The following SHC3 variants were observed in gnomAD, a reference collection of about 807,000 sequenced individuals.
SHC3 encodes SHC adaptor protein 3.
A neutral mutation model predicts 60.4 loss-of-function variants in SHC3; 15 were observed. The observed-to-expected ratio is 0.25, with a 90% CI of 0.17 to 0.38. The LOEUF (loss-of-function observed/expected upper bound fraction) is 0.38. SHC3 is among the 10% of genes least tolerant of loss of function. The pLI, the probability that SHC3 is intolerant of heterozygous loss-of-function variation, is 1.00. For missense variants in SHC3, 677 were observed against 786.1 expected (o/e 0.86, Z 1.66); for synonymous variants, 294 against 325.9 (o/e 0.90, Z 1.05).
At chr9:89,119,456 A>G (rs1425979301) in intron 1 of SHC3, among the ~76,000 whole-genome samples, 2 of 152,168 alleles carry the variant, frequency 1.3e-5, no homozygotes, top group Non-Finnish European at 2.9e-5. Flanking sequence ...AATACTAGAT[A>G]TATAAAACAT....
chr9:89,128,222 T>A (rs543058750), intron 1 of SHC3, among the ~76,000 whole-genome samples: 2 of 152,272 alleles, frequency 1.3e-5, no homozygotes, highest in South Asian at 4.1e-4. Flanking sequence ...ATTAGTAAAA[T>A]TAAATTGTCT....
intron 11 of SHC3, among the ~76,000 whole-genome samples, chr9:89,036,063 G>T (rs1824573870): frequency 6.6e-6 from 1 of 151,898 alleles, no homozygotes; most frequent in African/African-American, 2.4e-5. Flanking sequence ...GCACAAAGGG[G>T]GAAACCTGAT....
chr9:89,166,704 G>A (rs1826794492), intron 1 of SHC3, among the ~76,000 whole-genome samples: 1 of 152,182 alleles, frequency 6.6e-6, no homozygotes, highest in African/African-American at 2.4e-5. Context: ...ATGTGAATAA[G>A]AAGAGAGGAA....
At chr9:89,017,742 T>C (rs996189511) in intron 11 of SHC3, among the ~76,000 whole-genome samples, 1 of 152,114 alleles carries the variant, frequency 6.6e-6, no homozygotes, top group Non-Finnish European at 1.5e-5. Flanking sequence ...TTTTGCAATC[T>C]ACCCATCTGA....
chr9:89,035,111 C>T (rs537624364), intron 11 of SHC3, among the ~76,000 whole-genome samples: 1 of 152,320 alleles, frequency 6.6e-6, no homozygotes, highest in South Asian at 2.1e-4. Flanking sequence ...AGTGCGGGTT[C>T]CCAGAGCTCA....
intron 2 of SHC3, among the ~76,000 whole-genome samples, chr9:89,093,337 G>T (rs1479185636): frequency 1.3e-5 from 2 of 152,164 alleles, no homozygotes; most frequent in Non-Finnish European, 2.9e-5. Flanking sequence ...TGCCAGAAAG[G>T]TCCTCAGGGA....
chr9:89,146,296 G>A lies in SHC3; in HGVS notation c.474+31691C>T, dbSNP rs368500191. Among the ~76,000 whole-genome samples, 18 of 152,072 alleles carry A rather than the reference G, an allele frequency of 1.2e-4. 1 individual carries two copies. The highest frequency in any genetic ancestry group is 7.7e-4 in the East Asian group (4 of 5,188). On this transcript the variant is annotated intron_variant, in intron 1 of 11. Coordinates refer to ENST00000375835, the MANE Select transcript of SHC3 (RefSeq NM_016848.6). Reference sequence around the variant, plus strand: ...CTCTGGAACCTGGGAGGCGGAGGTTGCAGTAAGCTGAGATCGCGCCACTGC... The same window carrying A: ...CTCTGGAACCTGGGAGGCGGAGGTTACAGTAAGCTGAGATCGCGCCACTGC...
intron 7 of SHC3, among the ~76,000 whole-genome samples, chr9:89,048,638 A>G (rs1784089937): frequency 6.6e-6 from 1 of 152,234 alleles, no homozygotes; most frequent in Admixed American, 6.5e-5. Context: ...TAAACTTTAA[A>G]AGAGCAATTT....
At chr9:89,029,016 T>C (rs1300528531) in intron 11 of SHC3, among the ~76,000 whole-genome samples, 8 of 150,322 alleles carry the variant, frequency 5.3e-5, no homozygotes, top group Non-Finnish European at 1.2e-4. Flanking sequence ...TAGAGAGAGA[T>C]AATCTATATA....
intron 1 of SHC3, among the ~76,000 whole-genome samples, chr9:89,149,335 T>C (rs1271399860): frequency 2.0e-5 from 3 of 152,204 alleles, no homozygotes; most frequent in Non-Finnish European, 4.4e-5. Flanking sequence ...AATATTATAA[T>C]TTTTACAATG....
chr9:89,126,149 A>T (rs1300559551), intron 1 of SHC3, among the ~76,000 whole-genome samples: 2 of 152,162 alleles, frequency 1.3e-5, no homozygotes, highest in East Asian at 3.9e-4. Context: ...CAGTTGGCTG[A>T]CTATGGGTAA....
intron 10 of SHC3, among the ~76,000 whole-genome samples, chr9:89,039,150 G>A (rs1824632829): frequency 6.6e-6 from 1 of 152,204 alleles, no homozygotes. Context: ...AGACTACGCT[G>A]TCTACCCATA....
At position 89,042,074 on chromosome 9, in the gene SHC3, C is replaced by T; in HGVS notation, c.1312G>A (p.Ala438Thr). ...GGGCTGCTCTCAGCACTGCTGACCG[C>T]AGCCGGCCAGGCCTGTGGTGGGATC... is the stretch of plus-strand genomic sequence containing the variant. ...QQIPPQAWPAAVSSAESSPRK... is the reference protein window; with the variant it reads ...QQIPPQAWPATVSSAESSPRK... Residue 438 changes from alanine to threonine, a missense_variant, in exon 10 of 12, where the codon GCG becomes ACG. Physicochemically the swap from Ala to Thr is moderately conservative, Grantham distance 58. Transcript: ENST00000375835. The T allele has an allele frequency of 1.9e-6, 3 of 1,607,066 alleles. No individual in the cohort carries two copies. The highest frequency in any genetic ancestry group is 2.5e-6 in the Non-Finnish European group (3 of 1,178,324).
intron 2 of SHC3, among the ~76,000 whole-genome samples, chr9:89,084,791 G>T (rs1825501855): frequency 6.6e-6 from 1 of 152,168 alleles, no homozygotes; most frequent in African/African-American, 2.4e-5. Flanking sequence ...CTCAGGCAAT[G>T]AGGAAGAAGC....
chr9:89,039,271 A>G (rs530422954), intron 10 of SHC3, among the ~76,000 whole-genome samples: 3 of 152,352 alleles, frequency 2.0e-5, no homozygotes, highest in African/African-American at 7.2e-5. Context: ...TTCATTCAGT[A>G]TAGTCAACAG....
intron 1 of SHC3, among the ~76,000 whole-genome samples, chr9:89,172,290 T>A (rs1021446012): frequency 2.6e-5 from 4 of 152,094 alleles, no homozygotes; most frequent in Admixed American, 2.6e-4. Context: ...ATTCACCAAT[T>A]CTAGCACTGG....
chr9:89,038,706 G>C (rs569251183), intron 10 of SHC3, among the ~76,000 whole-genome samples: 158 of 152,314 alleles, frequency 1.0e-3, no homozygotes, highest in Admixed American at 2.5e-3. Flanking sequence ...ATACCAAAGG[G>C]AAAGACAAGC....
chr9:89,175,983 T>TGC (rs1826937133), intron 1 of SHC3, among the ~76,000 whole-genome samples: 1 of 152,230 alleles, frequency 6.6e-6, no homozygotes, highest in Non-Finnish European at 1.5e-5. Context: ...GTTTTCTTTC[T>TGC]GCGTGATTTC....
chr9:89,112,548 G>A lies in SHC3; in HGVS notation c.545+8C>T, dbSNP rs17054735. The A allele has an allele frequency of 1.2e-6, 2 of 1,606,184 alleles. No homozygotes were observed. Among genetic ancestry groups the A allele is most frequent in the Middle Eastern group, 1.7e-4 (1 of 6,054 alleles). On this transcript the variant is annotated splice_region_variant and intron_variant, in intron 2 of 11. Transcript: ENST00000375835. ...AAATCACAGGAGTCCATTTTCAAGA[G>A]GGCTTACCTGGTAATTTGTGTTCTT...
Sources: allele counts gnomAD v4.1 joint callset (sites outside exome capture counted in the v4.1 genomes callset), GRCh38; gene constraint gnomAD v4.1.1; transcripts MANE v1.5; gene names NCBI Gene and HGNC (gene_info 2026-07-23, HGNC 2026-07-21).